SHANK2: variants seen among roughly 807,000 people sequenced by gnomAD.
SHANK2 encodes SH3 and multiple ankyrin repeat domains protein 2.
A neutral mutation model predicts 133.7 loss-of-function variants in SHANK2; 43 were observed. The ratio of observed to expected loss-of-function variants is 0.32; its 90% confidence interval spans 0.25 to 0.41. The LOEUF is 0.41. Among genes scored for constraint, SHANK2 ranks in the 10% least tolerant of loss-of-function variants. SHANK2 has a pLI of 1.00. For synonymous variants in SHANK2, 1,017 were observed against 952.8 expected, an observed-to-expected ratio of 1.07 and a Z score of -1.24; for missense variants, 1,994 against 2,235.8, an observed-to-expected ratio of 0.89 and a Z score of 2.18.
chr11:71,063,231 A>G (rs1951009292), intron 9 of SHANK2, among the ~76,000 whole-genome samples: 1 of 152,236 alleles, frequency 6.6e-6, no homozygotes, highest in African/African-American at 2.4e-5. Flanking sequence ...GGATCCAAGA[A>G]AAATCCTCCA....
At chr11:71,139,277 C>G (rs1295670743) in intron 3 of SHANK2, among the ~76,000 whole-genome samples, 1 of 150,852 alleles carries the variant, frequency 6.6e-6, no homozygotes, top group South Asian at 2.1e-4. Flanking sequence ...CCAGCAGAGC[C>G]CGACAAAGGC....
chr11:70,881,562 T>A (rs474417), intron 11 of SHANK2, among the ~76,000 whole-genome samples: 6,132 of 23,988 alleles, frequency 0.26, 315 homozygotes, highest in Middle Eastern at 0.5. Flanking sequence ...AATAATAATA[T>A]TAATAATAAT....
At position 70,569,673 on chromosome 11, in the gene SHANK2, C is replaced by T. The variant is rs901600981; in HGVS notation, c.2062-66742G>A. Among the ~76,000 whole-genome samples the T allele has an allele frequency of 3.3e-5, 5 of 152,122 alleles. No homozygotes were observed. The highest frequency in any genetic ancestry group is 1.2e-4 in the African/African-American group (5 of 41,424). On this transcript the variant is annotated intron_variant, in intron 17 of 25. Coordinates refer to ENST00000601538, the MANE Select transcript of SHANK2 (RefSeq NM_012309.5). This position sits in a 1 kb window ranked among gnomAD's most constrained non-coding sequence, Gnocchi z 5.1. ...TGGCCAATCAGGGGTTCCCGTTTCCCAGGCCACAGTGATTGGTTGAGGGAT... is the reference window on the plus strand; with the variant it reads ...TGGCCAATCAGGGGTTCCCGTTTCCTAGGCCACAGTGATTGGTTGAGGGAT...
At chr11:70,938,385 G>A (rs549375500) in intron 10 of SHANK2, among the ~76,000 whole-genome samples, 2 of 152,300 alleles carry the variant, frequency 1.3e-5, no homozygotes, top group South Asian at 4.1e-4. Context: ...CTGGAATATT[G>A]TTGAATACAG....
chr11:70,786,045 C>T (rs118001814), intron 14 of SHANK2, among the ~76,000 whole-genome samples: 289 of 152,260 alleles, frequency 1.9e-3, no homozygotes, highest in Middle Eastern at 6.8e-3. Flanking sequence ...CACACTGCAG[C>T]CCAAGTCTCC....
chr11:70,723,299 G>C (rs79220543), intron 14 of SHANK2, among the ~76,000 whole-genome samples: 7 of 145,714 alleles, frequency 4.8e-5, no homozygotes, highest in African/African-American at 1.0e-4. Context: ...TGGAGGGTCT[G>C]TCTCTCTCTC....
At chr11:70,497,897 A>T (rs782087096) in intron 21 of SHANK2, among the ~76,000 whole-genome samples, 1 of 152,262 alleles carries the variant, frequency 6.6e-6, no homozygotes, top group African/African-American at 2.4e-5. Flanking sequence ...TCCACTGTCC[A>T]GCGAGTTCCT....
intron 14 of SHANK2, among the ~76,000 whole-genome samples, chr11:70,773,473 C>A (rs1243132122): frequency 2.6e-5 from 4 of 152,182 alleles, no homozygotes. Flanking sequence ...TGGAAAAATG[C>A]AGATTCATAA....
intron 17 of SHANK2, among the ~76,000 whole-genome samples, chr11:70,504,239 A>G (rs2059103500): frequency 6.6e-6 from 1 of 151,580 alleles, no homozygotes; most frequent in Non-Finnish European, 1.5e-5. Context: ...CCACAAACAG[A>G]AAACTTAAAG....
At chr11:71,215,695 C>T (rs1174841338) in intron 2 of SHANK2, among the ~76,000 whole-genome samples, 1 of 152,198 alleles carries the variant, frequency 6.6e-6, no homozygotes, top group Non-Finnish European at 1.5e-5. Context: ...CCATCTACAC[C>T]TCTCTCCCTG....
At chr11:71,061,961 GTCTT>G (rs1163572925) in intron 9 of SHANK2, among the ~76,000 whole-genome samples, 1 of 144,072 alleles carries the variant, frequency 6.9e-6, no homozygotes, top group Non-Finnish European at 1.5e-5. Context: ...ACTCCAAAAA[GTCTT>G]TCTTTCTTTT....
chr11:70,580,434 A>G (rs1051424667), intron 17 of SHANK2, among the ~76,000 whole-genome samples: 12 of 152,184 alleles, frequency 7.9e-5, no homozygotes, highest in African/African-American at 2.9e-4. Context: ...AGAATGCTCA[A>G]TCGCGTCCCT....
chr11:70,787,853 C>T (rs900423847), intron 14 of SHANK2, among the ~76,000 whole-genome samples: 4 of 152,246 alleles, frequency 2.6e-5, no homozygotes, highest in East Asian at 1.9e-4. Flanking sequence ...GGTCCTGGGC[C>T]GGCCACCCCT....
intron 15 of SHANK2, among the ~76,000 whole-genome samples, chr11:70,695,073 G>A (rs1420156751): frequency 2.0e-5 from 3 of 152,270 alleles, no homozygotes; most frequent in Non-Finnish European, 2.9e-5. Context: ...TCCTGAATAC[G>A]TCAGGATTCC....
chr11:70,944,067 C>T, intron 10 of SHANK2: 1 of 426,046 alleles, frequency 2.3e-6, no homozygotes, highest in Non-Finnish European at 4.7e-6. Context: ...TACATCTTGT[C>T]CACAGCAAGG....
At chr11:71,081,797 C>A (rs1011632213) in intron 8 of SHANK2, among the ~76,000 whole-genome samples, 1 of 152,228 alleles carries the variant, frequency 6.6e-6, no homozygotes, top group Non-Finnish European at 1.5e-5. Flanking sequence ...GAAAGCACAG[C>A]TCACTGTTGC....
intron 4 of SHANK2, among the ~76,000 whole-genome samples, chr11:71,115,852 G>A (rs1951968723): frequency 6.6e-6 from 1 of 152,196 alleles, no homozygotes; most frequent in African/African-American, 2.4e-5. Context: ...ACCTCCCACT[G>A]GAGTGTAAGG....
chr11:70,565,542 G>A (rs1354859087), intron 17 of SHANK2, among the ~76,000 whole-genome samples: 4 of 152,170 alleles, frequency 2.6e-5, no homozygotes, highest in African/African-American at 9.7e-5. Flanking sequence ...CACCACGCCT[G>A]GCCTCAATGT....
At chr11:70,652,214 T>C (rs777292042) in intron 17 of SHANK2, among the ~76,000 whole-genome samples, 21 of 152,192 alleles carry the variant, frequency 1.4e-4, no homozygotes, top group Non-Finnish European at 2.2e-4. Flanking sequence ...GGAGGAGATA[T>C]GCCTGCCAGG....
Sources: gnomAD v4.1 joint callset for allele counts (sites outside exome capture counted in the v4.1 genomes callset) on GRCh38, gnomAD v4.1.1 for gene constraint, Gnocchi (gnomAD v3.1) non-coding constraint, MANE v1.5 for transcripts, NCBI Gene and HGNC (gene_info 2026-07-23, HGNC 2026-07-21) for gene names.